Variants in MEIS1 observed in about 807,000 individuals in gnomAD.
MEIS1 encodes homeobox protein Meis1.
A neutral mutation model predicts 50.8 loss-of-function variants in MEIS1; 5 were observed. The ratio of observed to expected loss-of-function variants is 0.10; its 90% CI spans 0.05 to 0.21. MEIS1 has a LOEUF of 0.21. MEIS1 is among the 10% of genes least tolerant of loss of function. The pLI is 1.00. For synonymous variants in MEIS1, 176 were observed against 179.3 expected, an observed-to-expected ratio of 0.98 and a Z score of 0.15; for missense variants, 318 against 517.3, an observed-to-expected ratio of 0.61 and a Z score of 3.74.
chr2:66,450,983 G>A (rs941406205), intron 6 of MEIS1, among the ~76,000 whole-genome samples: 1 of 151,952 alleles, frequency 6.6e-6, no homozygotes, highest in Non-Finnish European at 1.5e-5. Context: ...AGTTTGCTAG[G>A]TCTCATTTTC....
chr2:66,468,747 G>A (rs536706525), intron 7 of MEIS1, among the ~76,000 whole-genome samples: 3 of 152,328 alleles, frequency 2.0e-5, no homozygotes, highest in East Asian at 3.9e-4. Context: ...ACCTGGCGCT[G>A]TGCTCCGTAA....
chr2:66,473,397 A>AAAAAAAAAAAAATATATATAT, intron 7 of MEIS1, among the ~76,000 whole-genome samples: 2 of 107,590 alleles, frequency 1.9e-5, no homozygotes, highest in African/African-American at 1.2e-4. Context: ...AAAAAAAAAA[A>AAAAAAAAAAAAATATATATAT]ATATATATAT....
At chr2:66,488,564 G>C (rs1174084322) in intron 7 of MEIS1, among the ~76,000 whole-genome samples, 6 of 152,058 alleles carry the variant, frequency 3.9e-5, no homozygotes, top group African/African-American at 1.4e-4. Flanking sequence ...TGTAGTCCCA[G>C]CTACTCGGGA....
In MEIS1 at chr2:66,512,351, A is replaced by G. The variant is rs1673850997; in HGVS notation, c.888+57A>G. 8 of 1,519,400 alleles carry G rather than the reference A, an allele frequency of 5.3e-6. No individual in the cohort carries two copies. The East Asian group carries it at 1.7e-4, about 33-fold the overall frequency. 94.1% of individuals were successfully genotyped at this position (1,519,400 alleles called of 1,614,324 possible). The stretch of plus-strand genomic sequence containing the variant: ...AAATATGGACAATGAACCAGTTTTT[A>G]TACAAAAAAATGAGAAAAAAGTGAT... On this transcript the variant is annotated intron_variant, in intron 8 of 12. Transcript: ENST00000272369.
At chr2:66,541,454 C>T (rs1674650608) in intron 8 of MEIS1, among the ~76,000 whole-genome samples, 1 of 152,162 alleles carries the variant, frequency 6.6e-6, no homozygotes, top group African/African-American at 2.4e-5. Flanking sequence ...ATCCAGCATT[C>T]TACTTTTCCT....
Position 66,464,181 on chromosome 2 carries a change from G to A in MEIS1, c.703G>A (p.Gly235Ser), listed in dbSNP as rs562863229. Residue 235 changes from glycine (G) to serine (S), a missense_variant, in exon 7 of 13, where the codon GGC becomes AGC. Physicochemically the swap from Gly to Ser is moderately conservative, Grantham distance 56 (BLOSUM62 0). Around this residue, in one of 6 missense-constraint regions of MEIS1, gnomAD observed 48 missense variants for 50.9 expected, o/e 0.94. Transcript: ENST00000272369. ...AGGAACCCCAGGCCCTTCCAGCGGT[G>A]GCCACACGTCACACAGTGGGGACAA... ...SGGTPGPSSG[G>S]HTSHSGDNSS... is the part of the protein sequence containing the mutation. 6.2e-7 allele frequency: 1 copy of A among 1,604,830 alleles called. No homozygotes were observed. The highest frequency in any genetic ancestry group is 2.2e-5 in the East Asian group (1 of 44,508).
intron 9 of MEIS1, among the ~76,000 whole-genome samples, chr2:66,561,835 G>A (rs143196759): frequency 1.4e-3 from 214 of 152,194 alleles, no homozygotes; most frequent in African/African-American, 4.9e-3. Context: ...CAAGAAACAC[G>A]ACGGGGGGTG....
chr2:66,464,715 A>T (rs1022281104), intron 7 of MEIS1, among the ~76,000 whole-genome samples: 13 of 152,118 alleles, frequency 8.5e-5, no homozygotes, highest in Non-Finnish European at 1.5e-4. Context: ...TGAATCTCCT[A>T]AGTGCTTGAC....
In MEIS1 at chr2:66,523,977, G is replaced by C. The variant is rs920989345; in HGVS notation, c.888+11683G>C. Among the ~76,000 whole-genome samples the C allele has an allele frequency of 2.0e-5, 3 of 152,266 alleles. 1 individual carries two copies. The East Asian group carries it at 5.8e-4, about 29-fold the overall frequency. On this transcript the variant is annotated intron_variant, in intron 8 of 12. Coordinates refer to ENST00000272369, the MANE Select transcript of MEIS1 (RefSeq NM_002398.3). ...AATACAGTCAAAATGTTGATTTGTT[G>C]ACTACCAGAGATAGGAAGGCAAGGA...
chr2:66,467,126 A>G (rs1672657503), intron 7 of MEIS1, among the ~76,000 whole-genome samples: 1 of 152,216 alleles, frequency 6.6e-6, no homozygotes, highest in African/African-American at 2.4e-5. Context: ...ATAAAATGAA[A>G]TAAGTTATGC....
intron 8 of MEIS1, among the ~76,000 whole-genome samples, chr2:66,523,325 G>A (rs1264698291): frequency 6.6e-6 from 1 of 152,190 alleles, no homozygotes; most frequent in Non-Finnish European, 1.5e-5. Context: ...AAGTATTAAT[G>A]CTTGAAAAAC....
At chr2:66,445,769 G>A (rs1451231115) in intron 6 of MEIS1, among the ~76,000 whole-genome samples, 1 of 152,192 alleles carries the variant, frequency 6.6e-6, no homozygotes, top group Non-Finnish European at 1.5e-5. Flanking sequence ...CTAAGTCGGC[G>A]GAAATCCACT....
intron 8 of MEIS1, among the ~76,000 whole-genome samples, chr2:66,525,081 G>C (rs1674215461): frequency 6.6e-6 from 1 of 151,898 alleles, no homozygotes; most frequent in African/African-American, 2.4e-5. Flanking sequence ...GGTGTGGCGG[G>C]GCACGCTTGT....
chr2:66,452,467 A>G lies in MEIS1; in HGVS notation c.630+9419A>G, dbSNP rs370642085. Among the ~76,000 whole-genome samples, 10 of 152,020 alleles carry G rather than the reference A, an allele frequency of 6.6e-5. 1 individual carries two copies. Among genetic ancestry groups the G allele is most frequent in the African/African-American group, 2.2e-4 (9 of 41,562 alleles). ...GATAATTAAGGATTACCCTCAGACT[A>G]CAGATAAATATTATCTCTTATAGAG... On this transcript the variant is annotated intron_variant, in intron 6 of 12. Coordinates refer to ENST00000272369, the MANE Select transcript of MEIS1 (RefSeq NM_002398.3).
chr2:66,500,104 A>G (rs913138671), intron 7 of MEIS1, among the ~76,000 whole-genome samples: 3 of 152,206 alleles, frequency 2.0e-5, no homozygotes, highest in Non-Finnish European at 4.4e-5. Context: ...AAACTTGAGA[A>G]CTGCATCTAA....
At chr2:66,459,293 A>G (rs182079065) in intron 6 of MEIS1, among the ~76,000 whole-genome samples, 55 of 152,274 alleles carry the variant, frequency 3.6e-4, no homozygotes, top group African/African-American at 1.2e-3. Flanking sequence ...ATTTGTGAGA[A>G]ATCATGTGCA....
intron 8 of MEIS1, among the ~76,000 whole-genome samples, chr2:66,521,605 A>G (rs1674123179): frequency 6.6e-6 from 1 of 152,202 alleles, no homozygotes; most frequent in African/African-American, 2.4e-5. Context: ...TTATGAATAA[A>G]ATGTAATTTT....
chr2:66,564,272 G>T (rs2300486), intron 9 of MEIS1, among the ~76,000 whole-genome samples: 34,629 of 152,078 alleles, frequency 0.23, 4,630 homozygotes, highest in Non-Finnish European at 0.29. Flanking sequence ...AGGGGTAGCT[G>T]ACATCTGTGT....
chr2:66,494,222 C>T (rs933729742), intron 7 of MEIS1, among the ~76,000 whole-genome samples: 1 of 152,280 alleles, frequency 6.6e-6, no homozygotes, highest in East Asian at 1.9e-4. Context: ...TAGCTCTCCC[C>T]GTGTAGAAAT....
Sources: allele counts gnomAD v4.1 joint callset (sites outside exome capture counted in the v4.1 genomes callset), GRCh38; gene constraint gnomAD v4.1.1; regional missense constraint gnomAD v4.1.1; transcripts MANE v1.5; gene names NCBI Gene and HGNC (gene_info 2026-07-23, HGNC 2026-07-21).